Variants in GRIN2B observed in about 807,000 individuals in gnomAD.
GRIN2B encodes glutamate ionotropic receptor NMDA type subunit 2B.
A neutral mutation model predicts 114.5 loss-of-function variants in GRIN2B; 5 were observed. That is an observed-to-expected ratio of 0.04 (90% CI 0.02 to 0.09). The LOEUF (loss-of-function observed/expected upper bound fraction) is 0.09, where lower values mean the gene tolerates loss of function less well. GRIN2B is among the 10% of genes least tolerant of loss of function. The probability of loss-of-function intolerance (pLI) is 1.00; values close to 1 mark genes in which losing one functional copy is unlikely to be tolerated. For synonymous variants in GRIN2B, 787 were observed against 745.1 expected (o/e 1.06, Z -0.92); for missense variants, 1,108 against 1,943.5 (o/e 0.57, Z 8.08).
chr12:13,910,953 CT>C (rs1386067128), intron 2 of GRIN2B, among the ~76,000 whole-genome samples: 2 of 151,908 alleles, frequency 1.3e-5, no homozygotes, highest in African/African-American at 4.8e-5. Flanking sequence ...ATATCCTTTC[CT>C]TCTCTCCTTG....
intron 3 of GRIN2B, among the ~76,000 whole-genome samples, chr12:13,766,891 A>G (rs1033808816): frequency 6.6e-6 from 1 of 152,162 alleles, no homozygotes; most frequent in African/African-American, 2.4e-5. Flanking sequence ...CAGGAAATCA[A>G]TCATGATTTC....
At chr12:13,643,025 A>T (rs1949733967) in intron 5 of GRIN2B, among the ~76,000 whole-genome samples, 1 of 152,184 alleles carries the variant, frequency 6.6e-6, no homozygotes, top group Non-Finnish European at 1.5e-5. Flanking sequence ...CTCACCACAC[A>T]ATAGAGAACT....
chr12:13,957,891 C>A (rs1007493225), intron 2 of GRIN2B, among the ~76,000 whole-genome samples: 1 of 152,130 alleles, frequency 6.6e-6, no homozygotes, highest in Non-Finnish European at 1.5e-5. Context: ...CTAACCCTGA[C>A]AAATATAAGG....
At chr12:13,713,552 G>A (rs916479426) in intron 4 of GRIN2B, among the ~76,000 whole-genome samples, 19 of 151,986 alleles carry the variant, frequency 1.3e-4, no homozygotes, top group Middle Eastern at 3.4e-3. Flanking sequence ...CTTCCCTAGC[G>A]ATGAGCCATC....
At chr12:13,944,076 A>C (rs1053482030) in intron 2 of GRIN2B, among the ~76,000 whole-genome samples, 1 of 152,192 alleles carries the variant, frequency 6.6e-6, no homozygotes, top group African/African-American at 2.4e-5. Context: ...AAATCTAGAA[A>C]AGACAATCTC....
intron 4 of GRIN2B, among the ~76,000 whole-genome samples, chr12:13,736,743 G>A (rs549039897): frequency 2.0e-5 from 3 of 152,234 alleles, no homozygotes; most frequent in Admixed American, 6.5e-5. Flanking sequence ...TGCAATATAT[G>A]GCCGGGCCAA....
At chr12:13,582,621 T>C (rs1447408004) in intron 10 of GRIN2B, among the ~76,000 whole-genome samples, 1 of 152,204 alleles carries the variant, frequency 6.6e-6, no homozygotes, top group Non-Finnish European at 1.5e-5. Flanking sequence ...CTCCTGCCTC[T>C]GGCTGTGCTG....
chr12:13,886,419 C>T (rs980220916), intron 2 of GRIN2B, among the ~76,000 whole-genome samples: 15 of 152,236 alleles, frequency 9.9e-5, no homozygotes, highest in Non-Finnish European at 5.9e-5. Context: ...AAAATTGGAA[C>T]ATAAATGCCT....
At chr12:13,591,591 A>AAGTGGG (rs1227700859) in intron 10 of GRIN2B, among the ~76,000 whole-genome samples, 3 of 152,188 alleles carry the variant, frequency 2.0e-5, no homozygotes, top group Admixed American at 1.3e-4. Flanking sequence ...ATCTACCTAA[A>AAGTGGG]AGTGGGAGAT....
intron 2 of GRIN2B, among the ~76,000 whole-genome samples, chr12:13,927,745 G>A (rs1279005455): frequency 6.6e-6 from 1 of 151,424 alleles, no homozygotes; most frequent in East Asian, 2.0e-4. Flanking sequence ...CTTGAGCCCA[G>A]GAGTACAAGA....
chr12:13,798,495 A>G (rs1478601646), intron 3 of GRIN2B, among the ~76,000 whole-genome samples: 1 of 152,228 alleles, frequency 6.6e-6, no homozygotes, highest in East Asian at 1.9e-4. Flanking sequence ...CATATAGGGT[A>G]GTATGAGTAC....
chr12:13,638,682 G>A lies in GRIN2B; in HGVS notation c.1126-22025C>T, dbSNP rs145234816. ...TTCAAAATGGTTCTGTCCTCAAAAT[G>A]TAAGTATTAGGACACAGATGTCAGC... On this transcript the variant is annotated intron_variant, in intron 5 of 13. Coordinates refer to ENST00000609686, the MANE Select transcript of GRIN2B (RefSeq NM_000834.5). 1.7e-3 allele frequency among the ~76,000 whole-genome samples: 253 copies of A among 152,190 alleles called. 1 individual carries two copies. The highest frequency in any genetic ancestry group is 5.5e-3 in the African/African-American group (229 of 41,542).
Position 13,559,253 on chromosome 12 carries a change from A to G in GRIN2B, c.*3530T>C, listed in dbSNP as rs1255262515. On this transcript the variant is annotated 3_prime_UTR_variant, in exon 14 of 14. Coordinates refer to ENST00000609686, the MANE Select transcript of GRIN2B (RefSeq NM_000834.5). ...TCCCAGTGCAAATATCCAGTTGAAG[A>G]AAAGCAACCAACTGGGGCCAAATAA... 1 of 152,248 alleles carries G rather than the reference A, an allele frequency of 6.6e-6. No homozygotes were observed. The highest frequency in any genetic ancestry group is 2.4e-5 in the African/African-American group (1 of 41,456). The allele number at this position is 152,248 out of a possible 1,614,324, so 9.4% of individuals were successfully genotyped here. A position where few individuals can be genotyped will look rare whatever the true frequency, so the allele number is the denominator to read the frequency against.
intron 3 of GRIN2B, among the ~76,000 whole-genome samples, chr12:13,820,034 T>C (rs1409573147): frequency 6.6e-6 from 1 of 152,168 alleles, no homozygotes; most frequent in Non-Finnish European, 1.5e-5. Context: ...GACCCAAGTG[T>C]AGACAAAACC....
chr12:13,614,431 G>A (rs761571453), intron 8 of GRIN2B, among the ~76,000 whole-genome samples: 4 of 152,042 alleles, frequency 2.6e-5, no homozygotes, highest in Non-Finnish European at 5.9e-5. Flanking sequence ...CTCATTCCAT[G>A]GCCCCTGCAA....
chr12:13,782,473 C>G (rs1326086714), intron 3 of GRIN2B, among the ~76,000 whole-genome samples: 1 of 152,160 alleles, frequency 6.6e-6, no homozygotes, highest in Non-Finnish European at 1.5e-5. Flanking sequence ...TATACTTTTG[C>G]TCTTCTCAAG....
At chr12:13,651,355 A>G (rs1336568163) in intron 5 of GRIN2B, among the ~76,000 whole-genome samples, 1 of 152,102 alleles carries the variant, frequency 6.6e-6, no homozygotes, top group Non-Finnish European at 1.5e-5. Flanking sequence ...CGGGGCCTCC[A>G]ACATCTGTCC....
At chr12:13,590,361 G>A (rs912065762) in intron 10 of GRIN2B, among the ~76,000 whole-genome samples, 2 of 152,112 alleles carry the variant, frequency 1.3e-5, no homozygotes, top group South Asian at 2.1e-4. Context: ...CATGCATTAG[G>A]TATTTTTCCT....
chr12:13,622,042 T>C (rs1461305302), intron 5 of GRIN2B, among the ~76,000 whole-genome samples: 2 of 152,116 alleles, frequency 1.3e-5, no homozygotes, highest in African/African-American at 2.4e-5. Flanking sequence ...GGGCAGGGTA[T>C]TGAGGCTGCT....
Sources: allele counts gnomAD v4.1 joint callset (sites outside exome capture counted in the v4.1 genomes callset), GRCh38; gene constraint gnomAD v4.1.1; transcripts MANE v1.5; gene names NCBI Gene and HGNC (gene_info 2026-07-23, HGNC 2026-07-21).